Variants in PDE7A observed in about 807,000 individuals in gnomAD.
The protein encoded by PDE7A is high affinity 3',5'-cyclic-AMP phosphodiesterase 7A.
Under a neutral mutation model 64.3 loss-of-function variants are expected in PDE7A, and 39 were observed. The ratio of observed to expected loss-of-function variants is 0.61; its 90% CI spans 0.47 to 0.79. PDE7A has a LOEUF of 0.79. PDE7A is among the 30% of genes least tolerant of loss of function. The probability of loss-of-function intolerance (pLI) is 0.00; values close to 1 mark genes in which losing one functional copy is unlikely to be tolerated. For synonymous variants in PDE7A, 203 were observed against 206.8 expected, an observed-to-expected ratio of 0.98 and a Z score of 0.16; for missense variants, 470 against 582.8, an observed-to-expected ratio of 0.81 and a Z score of 1.99.
At chr8:65,730,710 T>C (rs1806848583) in intron 7 of PDE7A, among the ~76,000 whole-genome samples, 1 of 152,062 alleles carries the variant, frequency 6.6e-6, no homozygotes, top group Non-Finnish European at 1.5e-5. Flanking sequence ...GGCAGATCAC[T>C]TGAAGTCAGG....
chr8:65,836,807 T>C (rs1488984642), intron 1 of PDE7A, among the ~76,000 whole-genome samples: 3 of 152,230 alleles, frequency 2.0e-5, no homozygotes, highest in East Asian at 3.8e-4. Context: ...ACTAGCCACA[T>C]AAGGCTAGTG....
chr8:65,783,133 G>A (rs192757447), intron 1 of PDE7A, among the ~76,000 whole-genome samples: 3 of 152,240 alleles, frequency 2.0e-5, no homozygotes, highest in Admixed American at 2.0e-4. Flanking sequence ...TAAAGGTTTT[G>A]GGGTGACATC....
chr8:65,789,209 G>A, intron 1 of PDE7A: 1 of 444,292 alleles, frequency 2.3e-6, no homozygotes, highest in Non-Finnish European at 3.7e-6. Context: ...AGAGGGGAGG[G>A]AAAAGACTTT....
intron 1 of PDE7A, among the ~76,000 whole-genome samples, chr8:65,832,640 A>G (rs1441053394): frequency 6.6e-6 from 1 of 152,018 alleles, no homozygotes; most frequent in Non-Finnish European, 1.5e-5. Context: ...ACGTGTCACC[A>G]TGCCTGGCTA....
chr8:65,747,203 C>A (rs1366902910), intron 4 of PDE7A, among the ~76,000 whole-genome samples: 3 of 152,150 alleles, frequency 2.0e-5, no homozygotes, highest in Non-Finnish European at 4.4e-5. Flanking sequence ...CACACACACA[C>A]ACAAAAAAGA....
intron 6 of PDE7A, among the ~76,000 whole-genome samples, chr8:65,736,496 T>TGA (rs1385247979): frequency 1.3e-5 from 2 of 152,150 alleles, no homozygotes; most frequent in Admixed American, 1.3e-4. Flanking sequence ...CTCACACCTG[T>TGA]AATTCCAGCA....
At chr8:65,837,150 A>G (rs1457500955) in intron 1 of PDE7A, among the ~76,000 whole-genome samples, 1 of 152,224 alleles carries the variant, frequency 6.6e-6, no homozygotes, top group African/African-American at 2.4e-5. Flanking sequence ...ACTTTTATCC[A>G]AGGGGCTTTG....
At chr8:65,746,869 C>G (rs140344009) in intron 4 of PDE7A, among the ~76,000 whole-genome samples, 324 of 152,082 alleles carry the variant, frequency 2.1e-3, no homozygotes, top group Admixed American at 3.5e-3. Context: ...AAGAAGACAC[C>G]CCAGCTTTAC....
At chr8:65,826,340 T>G (rs1394263377) in intron 1 of PDE7A, among the ~76,000 whole-genome samples, 1 of 152,178 alleles carries the variant, frequency 6.6e-6, no homozygotes, top group African/African-American at 2.4e-5. Flanking sequence ...TAAATATGCT[T>G]TGAACTAGGT....
intron 1 of PDE7A, among the ~76,000 whole-genome samples, chr8:65,821,657 G>C (rs1810544677): frequency 6.6e-6 from 1 of 152,130 alleles, no homozygotes; most frequent in Admixed American, 6.5e-5. Context: ...TGTCCAATGA[G>C]AATCACTAGC....
At chr8:65,808,074 C>T (rs192424779) in intron 1 of PDE7A, among the ~76,000 whole-genome samples, 1 of 152,330 alleles carries the variant, frequency 6.6e-6, no homozygotes, top group Admixed American at 6.5e-5. Context: ...TTCAGTGATA[C>T]TGCACTGACA....
chr8:65,783,946 G>T (rs1809483381), intron 1 of PDE7A, among the ~76,000 whole-genome samples: 1 of 152,146 alleles, frequency 6.6e-6, no homozygotes, highest in Admixed American at 6.5e-5. Context: ...TTCAGTCACT[G>T]CTATATTCCC....
intron 1 of PDE7A, among the ~76,000 whole-genome samples, chr8:65,791,338 A>G (rs1440171551): frequency 6.6e-6 from 1 of 152,290 alleles, no homozygotes; most frequent in African/African-American, 2.4e-5. Context: ...TCTCCCCTTC[A>G]TGGGAGGTAA....
intron 1 of PDE7A, among the ~76,000 whole-genome samples, chr8:65,794,072 T>A (rs956568864): frequency 3.9e-5 from 6 of 152,224 alleles, no homozygotes; most frequent in African/African-American, 1.4e-4. Context: ...ATTTTAATTT[T>A]AAACTTTAAA....
intron 3 of PDE7A, among the ~76,000 whole-genome samples, chr8:65,764,380 T>A (rs1808663475): frequency 6.6e-6 from 1 of 152,064 alleles, no homozygotes; most frequent in African/African-American, 2.4e-5. Context: ...CAAACTCGAG[T>A]CTGAATGAGA....
intron 3 of PDE7A, among the ~76,000 whole-genome samples, chr8:65,772,071 A>C (rs1310653992): frequency 6.6e-6 from 1 of 152,094 alleles, no homozygotes; most frequent in Non-Finnish European, 1.5e-5. Context: ...GCATACAAAA[A>C]CCCAAAGGAT....
At chr8:65,719,799 GC>G in intron 12 of PDE7A, 1 of 351,562 alleles carries the variant, frequency 2.8e-6, no homozygotes, top group South Asian at 3.1e-5. Context: ...AAAATACACT[GC>G]CCATCTAAAC....
chr8:65,730,168 C>CTTTTT (rs1563473710), intron 7 of PDE7A, among the ~76,000 whole-genome samples: 1 of 31,668 alleles, frequency 3.2e-5, no homozygotes, highest in African/African-American at 2.4e-4. Context: ...AGGTTGCGCA[C>CTTTTT]TTCTTTTTTT....
chr8:65,747,534 G>T, intron 4 of PDE7A, 118 bp downstream of exon 4: 1 of 548,318 alleles, frequency 1.8e-6, no homozygotes, highest in Non-Finnish European at 3.0e-6. Flanking sequence ...TGGAAAATAG[G>T]CTCAACTGCT....
Sources: allele counts gnomAD v4.1 joint callset (sites outside exome capture counted in the v4.1 genomes callset), GRCh38; gene constraint gnomAD v4.1.1; transcripts MANE v1.5; gene names NCBI Gene and HGNC (gene_info 2026-07-23, HGNC 2026-07-21).